CDK5RAP2: variants seen among roughly 807,000 people sequenced by gnomAD.
CDK5RAP2 encodes the protein CDK5 regulatory subunit-associated protein 2.
CDK5RAP2 carries 147 observed loss-of-function variants against 232.9 expected under a neutral mutation model. That is an observed-to-expected ratio of 0.63 (90% CI 0.55 to 0.72). The LOEUF is 0.72. CDK5RAP2 is among the 30% of genes least tolerant of loss of function. The probability of loss-of-function intolerance (pLI) is 0.00; values close to 1 mark genes in which losing one functional copy is unlikely to be tolerated. For missense variants in CDK5RAP2, 2,195 were observed against 2,231.5 expected, an observed-to-expected ratio of 0.98 and a Z score of 0.33; for synonymous variants, 833 against 833.7, an observed-to-expected ratio of 1.00 and a Z score of 0.01.
chr9:120,579,793 GA>G (rs2043174465), intron 1 of CDK5RAP2, 126 bp downstream of exon 1: 1 of 743,976 alleles, frequency 1.3e-6, no homozygotes, highest in Admixed American at 2.2e-5. Flanking sequence ...CTCTCCGAAG[GA>G]ACCCACCCCA....
intron 25 of CDK5RAP2, among the ~76,000 whole-genome samples, chr9:120,435,778 C>A (rs1441460873): frequency 6.6e-6 from 1 of 152,030 alleles, no homozygotes; most frequent in Non-Finnish European, 1.5e-5. Context: ...GATAATAGTC[C>A]ATTGAATAAA....
rs779153475 is a variant in CDK5RAP2, at chr9:120,439,500, C to T, written c.3621G>A (p.Glu1207=). Residue 1207 remains glutamate (E), a synonymous_variant, in exon 24 of 38, where the codon GAG becomes GAA. Coordinates refer to ENST00000349780, the MANE Select transcript of CDK5RAP2 (RefSeq NM_018249.6). Reference sequence around the variant, plus strand: ...CCTTCTGCAGCTTGTATTCCTGTTCCTCCAGCTGCTGTTTGAGGTTCTCCA... The same window carrying T: ...CCTTCTGCAGCTTGTATTCCTGTTCTTCCAGCTGCTGTTTGAGGTTCTCCA... ...RVLENLKQQL[E]EQEYKLQKEQ... The T allele has an allele frequency of 1.2e-6, 2 of 1,614,216 alleles. No individual in the cohort carries two copies. Among genetic ancestry groups the T allele is most frequent in the East Asian group, 4.5e-5 (2 of 44,884 alleles).
intron 34 of CDK5RAP2, among the ~76,000 whole-genome samples, chr9:120,401,779 TTCAA>T (rs1477578640): frequency 6.6e-6 from 1 of 151,576 alleles, no homozygotes; most frequent in Non-Finnish European, 1.5e-5. Flanking sequence ...AAGTCAGGAG[TTCAA>T]GACCAGCCTG....
At chr9:120,546,185 T>G (rs1399922989) in intron 4 of CDK5RAP2, among the ~76,000 whole-genome samples, 1 of 152,158 alleles carries the variant, frequency 6.6e-6, no homozygotes. Context: ...TTGTTTACAA[T>G]CATGCATGTG....
In CDK5RAP2 at chr9:120,493,913, G is replaced by A. The variant is rs543673797; in HGVS notation, c.1312-2436C>T. Among the ~76,000 whole-genome samples, 170 of 152,174 alleles carry A rather than the reference G, an allele frequency of 1.1e-3. 1 individual carries two copies. The highest frequency in any genetic ancestry group is 3.9e-3 in the African/African-American group (161 of 41,514). The stretch of plus-strand genomic sequence containing the variant: ...TTGAGACCAGCTTGGCCAACATGGC[G>A]AAACTCTGTCTCCATGAAAAATACA... On this transcript the variant is annotated intron_variant, in intron 12 of 37. Coordinates refer to ENST00000349780, the MANE Select transcript of CDK5RAP2 (RefSeq NM_018249.6).
intron 27 of CDK5RAP2, among the ~76,000 whole-genome samples, chr9:120,415,877 C>A (rs1340721804): frequency 6.6e-6 from 1 of 152,056 alleles, no homozygotes; most frequent in Non-Finnish European, 1.5e-5. Flanking sequence ...CTGGATGTAA[C>A]CATAAGAACT....
At chr9:120,496,490 C>A in intron 12 of CDK5RAP2, among the ~76,000 whole-genome samples, 1 of 139,636 alleles carries the variant, frequency 7.2e-6, no homozygotes, top group East Asian at 2.3e-4. Flanking sequence ...CCCGGCCAGC[C>A]GCCCCGTCCG....
Position 120,550,828 on chromosome 9 carries a change from C to T in CDK5RAP2, c.270G>A (p.Gln90=). ...TATGTTCAGTGGGGCCATGAAATTC[C>T]TGTTGCATTCTTTCCTCAAGGAAAT... ...RIYFLEERMQ[Q]EFHGPTEHIY... The change falls in exon 4 of 38, where the codon CAG becomes CAA. Residue 90 remains glutamine (Q), a synonymous_variant. Transcript: ENST00000349780. 1.2e-6 allele frequency: 2 copies of T among 1,612,984 alleles called. No homozygotes were observed.
At chr9:120,572,905 C>G (rs938393846) in intron 1 of CDK5RAP2, among the ~76,000 whole-genome samples, 10 of 152,262 alleles carry the variant, frequency 6.6e-5, no homozygotes, top group Middle Eastern at 3.4e-3. Context: ...TGCCTAATTC[C>G]CTGAGGGTGC....
chr9:120,559,916 G>A (rs945843451), intron 3 of CDK5RAP2, among the ~76,000 whole-genome samples: 1 of 152,158 alleles, frequency 6.6e-6, no homozygotes, highest in African/African-American at 2.4e-5. Context: ...GCCTTGCCTA[G>A]CCTGAAGTTC....
chr9:120,471,354 A>G (rs1027121566), intron 16 of CDK5RAP2, among the ~76,000 whole-genome samples: 1 of 152,160 alleles, frequency 6.6e-6, no homozygotes, highest in African/African-American at 2.4e-5. Flanking sequence ...CTGAAACAGC[A>G]TCTCACCCAT....
chr9:120,443,800 G>C (rs966690518), intron 22 of CDK5RAP2, 58 bp from the exon 23 acceptor site: 38 of 1,608,960 alleles, frequency 2.4e-5, no homozygotes, highest in Non-Finnish European at 3.1e-5. Flanking sequence ...CTGAAACTTA[G>C]CCAAGCAACT....
chr9:120,540,004 G>A (rs1047745737), intron 5 of CDK5RAP2, among the ~76,000 whole-genome samples: 3 of 152,132 alleles, frequency 2.0e-5, no homozygotes, highest in East Asian at 1.9e-4. Context: ...ATCTGTTTGC[G>A]CACTAGCTAC....
chr9:120,470,929 G>A (rs546237651), intron 16 of CDK5RAP2, among the ~76,000 whole-genome samples: 3 of 152,182 alleles, frequency 2.0e-5, no homozygotes, highest in Non-Finnish European at 4.4e-5. Flanking sequence ...ACTGGAAAGA[G>A]CTAGACTTAA....
At chr9:120,505,068 C>G (rs1365653886) in intron 12 of CDK5RAP2, among the ~76,000 whole-genome samples, 1 of 152,208 alleles carries the variant, frequency 6.6e-6, no homozygotes, top group Non-Finnish European at 1.5e-5. Context: ...AGGCATAGCT[C>G]ATTTCATTGT....
intron 21 of CDK5RAP2, among the ~76,000 whole-genome samples, chr9:120,453,219 T>C (rs2036569848): frequency 6.6e-6 from 1 of 151,900 alleles, no homozygotes; most frequent in Non-Finnish European, 1.5e-5. Context: ...AATATATAGA[T>C]AAATTAGATA....
Position 120,389,160 on chromosome 9 carries a change from A to G in CDK5RAP2, c.*76T>C. The G allele has an allele frequency of 8.2e-7, 1 of 1,214,750 alleles. No homozygotes were observed. Among genetic ancestry groups the G allele is most frequent in the South Asian group, 1.3e-5 (1 of 77,994 alleles). 75.2% of individuals were successfully genotyped at this position (1,214,750 alleles called of 1,614,324 possible). On this transcript the variant is annotated 3_prime_UTR_variant, in exon 38 of 38. Transcript: ENST00000349780. Reference sequence around the variant, plus strand: ...GACAGCTCTTTCTTCCTCAATAAATAGGAACCACACTTGGAACAAAGAGAC... The same window carrying G: ...GACAGCTCTTTCTTCCTCAATAAATGGGAACCACACTTGGAACAAAGAGAC...
At chr9:120,579,053 G>C (rs1462952597) in intron 1 of CDK5RAP2, among the ~76,000 whole-genome samples, 2 of 152,074 alleles carry the variant, frequency 1.3e-5, no homozygotes, top group African/African-American at 4.8e-5. Context: ...CAACCACAGG[G>C]GCCAGCCGTG....
At chr9:120,405,460 G>A (rs1254797245) in intron 32 of CDK5RAP2, among the ~76,000 whole-genome samples, 2 of 152,044 alleles carry the variant, frequency 1.3e-5, no homozygotes, top group African/African-American at 4.8e-5. Flanking sequence ...TCTCCTTCCT[G>A]GGTACCCCAA....
Sources: gnomAD v4.1 joint callset for allele counts (sites outside exome capture counted in the v4.1 genomes callset) on GRCh38, gnomAD v4.1.1 for gene constraint, MANE v1.5 for transcripts, NCBI Gene and HGNC (gene_info 2026-07-23, HGNC 2026-07-21) for gene names.